The following AGBL1 variants were observed in gnomAD, a reference collection of about 807,000 sequenced individuals.
The protein encoded by AGBL1 is AGBL carboxypeptidase 1, also known as cytosolic carboxypeptidase 4.
In AGBL1, 130 loss-of-function variants were observed where a neutral mutation model predicts 118.9. That is an observed-to-expected ratio of 1.09 (90% CI 0.95 to 1.26). The LOEUF (loss-of-function observed/expected upper bound fraction) is 1.26. Among genes scored for constraint, AGBL1 ranks in the 50% most tolerant of loss-of-function variants. The probability of loss-of-function intolerance (pLI) is 0.00; values close to 1 mark genes in which losing one functional copy is unlikely to be tolerated. For missense variants in AGBL1, 1,584 were observed against 1,298.1 expected, an observed-to-expected ratio of 1.22 and a Z score of -3.38; for synonymous variants, 555 against 478.9, an observed-to-expected ratio of 1.16 and a Z score of -2.08.
At chr15:86,901,397 CTTGAT>C (rs1252749550) in intron 22 of AGBL1, among the ~76,000 whole-genome samples, 5 of 151,950 alleles carry the variant, frequency 3.3e-5, no homozygotes, top group Non-Finnish European at 7.4e-5. Flanking sequence ...AGGGTTATAA[CTTGAT>C]TTCATGCCAA....
At chr15:86,548,663 GCACACA>G (rs61362688) in intron 20 of AGBL1, among the ~76,000 whole-genome samples, 45,413 of 142,600 alleles carry the variant, frequency 0.32, 7,770 homozygotes, top group East Asian at 0.58. Flanking sequence ...ACACATGCAC[GCACACA>G]CACACACACA....
At chr15:86,736,990 C>T (rs1320072607) in intron 22 of AGBL1, among the ~76,000 whole-genome samples, 2 of 152,300 alleles carry the variant, frequency 1.3e-5, no homozygotes, top group South Asian at 2.1e-4. Context: ...TTGTAACAAT[C>T]CCCCTTATGT....
At chr15:86,739,509 A>AT (rs34011958) in intron 22 of AGBL1, among the ~76,000 whole-genome samples, 14,389 of 140,550 alleles carry the variant, frequency 0.1, 779 homozygotes, top group East Asian at 0.17. Context: ...ATCAAGATTC[A>AT]TTTTTTTTTT....
At chr15:86,292,568 G>A (rs28594716) in intron 16 of AGBL1, among the ~76,000 whole-genome samples, 4,932 of 152,240 alleles carry the variant, frequency 0.032, 259 homozygotes, top group African/African-American at 0.11. Context: ...CTTGACAAAG[G>A]AGAAAGAATG....
At chr15:86,402,603 A>T (rs2081465293) in intron 18 of AGBL1, among the ~76,000 whole-genome samples, 1 of 152,174 alleles carries the variant, frequency 6.6e-6, no homozygotes, top group Non-Finnish European at 1.5e-5. Flanking sequence ...TAGAGAACCA[A>T]AACCTGAACT....
In AGBL1 at chr15:86,976,417, T is replaced by C. The variant is rs74407134; in HGVS notation, c.3222-11570T>C. ...AATTGCTAAATAGCATTGCATTTGT[T>C]TGTTTCTTTCTCAAGTACCCCAGTT... is the stretch of plus-strand genomic sequence containing the variant. On this transcript the variant is annotated intron_variant, in intron 23 of 24. Coordinates refer to the AGBL1 transcript ENST00000441037. Among the ~76,000 whole-genome samples the C allele has an allele frequency of 9.4e-4, 143 of 152,104 alleles. 1 individual carries two copies. The highest frequency in any genetic ancestry group is 3.4e-3 in the African/African-American group (143 of 41,560).
chr15:86,202,865 C>G (rs1200769669), intron 5 of AGBL1, among the ~76,000 whole-genome samples: 1 of 152,082 alleles, frequency 6.6e-6, no homozygotes, highest in Admixed American at 6.6e-5. Flanking sequence ...TCCATCCCTG[C>G]TCTGGAGGGG....
At chr15:86,476,237 C>T (rs1409805457) in intron 18 of AGBL1, among the ~76,000 whole-genome samples, 1 of 152,166 alleles carries the variant, frequency 6.6e-6, no homozygotes, top group Non-Finnish European at 1.5e-5. Context: ...ACAATATTAA[C>T]CTTAAATGTA....
chr15:86,864,229 C>T (rs924999131), intron 22 of AGBL1, among the ~76,000 whole-genome samples: 3 of 152,060 alleles, frequency 2.0e-5, no homozygotes, highest in African/African-American at 7.2e-5. Flanking sequence ...CAGAGGGACA[C>T]CAGAGCCTAT....
intron 1 of AGBL1, among the ~76,000 whole-genome samples, chr15:86,140,413 G>A (rs544279825): frequency 6.6e-6 from 1 of 152,122 alleles, no homozygotes; most frequent in South Asian, 2.1e-4. Flanking sequence ...TGGACTTCAT[G>A]GCCTCCTTGG....
At chr15:86,698,483 C>A (rs1370921494) in intron 22 of AGBL1, among the ~76,000 whole-genome samples, 2 of 152,000 alleles carry the variant, frequency 1.3e-5, no homozygotes, top group Non-Finnish European at 2.9e-5. Flanking sequence ...GCATACCCAC[C>A]TGCACCCCCA....
chr15:86,747,008 A>G (rs1286006052), intron 22 of AGBL1, among the ~76,000 whole-genome samples: 1 of 152,066 alleles, frequency 6.6e-6, no homozygotes, highest in East Asian at 1.9e-4. Context: ...ATTAAGTGGC[A>G]TGCTCATTTC....
At chr15:86,087,191 T>C (rs905639941) in intron 1 of AGBL1, among the ~76,000 whole-genome samples, 1 of 152,220 alleles carries the variant, frequency 6.6e-6, no homozygotes, top group African/African-American at 2.4e-5. Flanking sequence ...GGACTACTCA[T>C]AGCATTTATT....
chr15:86,767,788 C>A (rs1236299982), intron 22 of AGBL1, among the ~76,000 whole-genome samples: 3 of 151,960 alleles, frequency 2.0e-5, no homozygotes, highest in African/African-American at 7.2e-5. Flanking sequence ...ACTACTTCCT[C>A]TTCTTGTTGT....
intron 5 of AGBL1, among the ~76,000 whole-genome samples, chr15:86,173,705 T>C (rs952627357): frequency 1.3e-5 from 2 of 152,210 alleles, no homozygotes; most frequent in Non-Finnish European, 2.9e-5. Context: ...AGGGTGTCCT[T>C]TCCCCAAAGG....
chr15:86,947,549 T>G (rs1374519055), intron 23 of AGBL1, among the ~76,000 whole-genome samples: 1 of 152,196 alleles, frequency 6.6e-6, no homozygotes, highest in Non-Finnish European at 1.5e-5. Flanking sequence ...TCCAGCGAAT[T>G]TTTTATTAAT....
intron 21 of AGBL1, among the ~76,000 whole-genome samples, chr15:86,651,279 G>T (rs570011336): frequency 2.0e-5 from 3 of 152,092 alleles, no homozygotes; most frequent in South Asian, 2.1e-4. Context: ...TTGAGAAATT[G>T]CATAGAGGCC....
intron 24 of AGBL1, among the ~76,000 whole-genome samples, chr15:87,013,935 T>C (rs2081585716): frequency 6.6e-6 from 1 of 152,168 alleles, no homozygotes; most frequent in Admixed American, 6.6e-5. Context: ...TAGCTGTACA[T>C]CCTTCTACAT....
intron 23 of AGBL1, among the ~76,000 whole-genome samples, chr15:86,958,247 GAATGGGACTCTCCTTTGC>G (rs2080953529): frequency 6.7e-6 from 1 of 150,198 alleles, no homozygotes; most frequent in South Asian, 2.1e-4. Flanking sequence ...AAAGATGGTA[GAATGGGACTCTCCTTTGC>G]ATTGTATTAA....
Sources: gnomAD v4.1 joint callset for allele counts (sites outside exome capture counted in the v4.1 genomes callset) on GRCh38, gnomAD v4.1.1 for gene constraint, MANE v1.5 for transcripts, NCBI Gene and HGNC (gene_info 2026-07-23, HGNC 2026-07-21) for gene names.